The following AKNA variants were observed in gnomAD, a reference collection of about 807,000 sequenced individuals.
AKNA encodes AT-hook transcription factor.
A neutral mutation model predicts 138.8 loss-of-function variants in AKNA; 67 were observed. The observed-to-expected ratio is 0.48, with a 90% CI of 0.40 to 0.59. The LOEUF is 0.59. AKNA is among the 20% of genes least tolerant of loss of function. The pLI, the probability that AKNA is intolerant of heterozygous loss-of-function variation, is 0.00. For missense variants in AKNA, 1,813 were observed against 1,880.4 expected, an observed-to-expected ratio of 0.96 and a Z score of 0.66; for synonymous variants, 737 against 754.4, an observed-to-expected ratio of 0.98 and a Z score of 0.38.
At chr9:114,396,544 T>G (rs1297388998), upstream of AKNA, among the ~76,000 whole-genome samples, 1 of 151,956 alleles carries the variant, frequency 6.6e-6, no homozygotes, top group Non-Finnish European at 1.5e-5. Flanking sequence ...CCAGGTGTAG[T>G]GGCACACGCC....
upstream of AKNA, among the ~76,000 whole-genome samples, chr9:114,388,461 G>A (rs559907638): frequency 3.3e-5 from 5 of 152,322 alleles, no homozygotes; most frequent in East Asian, 9.7e-4. Context: ...CTCTGCCAAT[G>A]TGCAACCTGA....
chr9:114,391,139 A>G (rs1768904068), upstream of AKNA, among the ~76,000 whole-genome samples: 1 of 151,416 alleles, frequency 6.6e-6, no homozygotes, highest in Admixed American at 6.6e-5. Context: ...GGGTAAACAG[A>G]GGCCCCTAGA....
intron 1 of AKNA, chr9:114,383,189 G>A (rs1441447575): frequency 2.2e-6 from 1 of 456,052 alleles, no homozygotes; most frequent in Non-Finnish European, 4.4e-6. Context: ...CAGGGAGGCT[G>A]GCCACACGGG....
chr9:114,374,304 G>A (rs1454867835), intron 3 of AKNA, 137 bp from the exon 4 acceptor site: 19 of 832,656 alleles, frequency 2.3e-5, no homozygotes, highest in Admixed American at 6.2e-5. Context: ...GGTGGGATCC[G>A]AGCTGAGCAA....
chr9:114,364,281 G>GT (rs1832178375), intron 7 of AKNA, among the ~76,000 whole-genome samples: 1 of 151,988 alleles, frequency 6.6e-6, no homozygotes, highest in African/African-American at 2.4e-5. Flanking sequence ...GGTGATAAAT[G>GT]TAACTGCTTC....
intron 2 of AKNA, among the ~76,000 whole-genome samples, chr9:114,379,164 G>T (rs1303102919): frequency 1.3e-5 from 2 of 152,250 alleles, no homozygotes; most frequent in East Asian, 3.9e-4. Context: ...GGGTGAAGGG[G>T]CCTGGGCTTT....
At chr9:114,397,811 A>G (rs1589051755), upstream of AKNA, among the ~76,000 whole-genome samples, 3 of 152,096 alleles carry the variant, frequency 2.0e-5, no homozygotes, top group East Asian at 5.8e-4. Context: ...AGTTCCTACC[A>G]TTGTCAGGGC....
At chr9:114,349,013 T>C in intron 15 of AKNA, 1 of 454,998 alleles carries the variant, frequency 2.2e-6, no homozygotes, top group African/African-American at 2.0e-5. Context: ...TGAGTGTGTG[T>C]GTCTGAGGGC....
At position 114,359,754 on chromosome 9, in the gene AKNA, C is replaced by T; in HGVS notation, c.2332G>A (p.Glu778Lys). Residue 778 changes from glutamate (E) to lysine (K), a missense_variant, in exon 11 of 22, where the codon GAG becomes AAG. By Grantham distance (56) the Glu-to-Lys change is moderately conservative. Coordinates refer to ENST00000374088, the MANE Select transcript of AKNA (RefSeq NM_001317950.2). ...VKSLPEAMRMEEEEEGEEEEE... is the reference protein window; with the variant it reads ...VKSLPEAMRMKEEEEGEEEEE... ...TCCTCCTCTCCTTCTTCCTCCTCCT[C>T]CATTCTCATGGCTTCTGGGAGAGAC... The T allele has an allele frequency of 6.2e-7, 1 of 1,602,418 alleles. No individual in the cohort carries two copies. The highest frequency in any genetic ancestry group is 8.5e-7 in the Non-Finnish European group (1 of 1,173,860).
At chr9:114,354,163 C>A (rs1831320454) in intron 14 of AKNA, among the ~76,000 whole-genome samples, 1 of 151,986 alleles carries the variant, frequency 6.6e-6, no homozygotes, top group Admixed American at 6.6e-5. Flanking sequence ...TTCTTGATAT[C>A]CTTATAAGCT....
chr9:114,346,441 A>C (rs1409442953), intron 17 of AKNA, among the ~76,000 whole-genome samples: 5 of 152,218 alleles, frequency 3.3e-5, no homozygotes. Context: ...CTTGCAGTGG[A>C]GGTTAAGCAA....
intron 2 of AKNA, among the ~76,000 whole-genome samples, chr9:114,379,275 G>A (rs953423685): frequency 2.0e-5 from 3 of 152,260 alleles, no homozygotes; most frequent in Admixed American, 6.5e-5. Flanking sequence ...CAAACTTGAG[G>A]ATAGTTCCTC....
rs1457932592 is a variant in AKNA, at chr9:114,356,855, C to T, written c.2846+8G>A. 11 of 1,536,176 alleles carry T rather than the reference C, an allele frequency of 7.2e-6. No individual in the cohort carries two copies. The highest frequency in any genetic ancestry group is 1.8e-4 in the Middle Eastern group (1 of 5,680). ...CACTGACGGGACAATGGCGGGATCCCGGGATACCTGATGTGGGAGAGCCGG... is the reference window on the plus strand; with the variant it reads ...CACTGACGGGACAATGGCGGGATCCTGGGATACCTGATGTGGGAGAGCCGG... On this transcript the variant is annotated splice_region_variant and intron_variant, in intron 13 of 21. Coordinates refer to ENST00000374088, the MANE Select transcript of AKNA (RefSeq NM_001317950.2).
intron 15 of AKNA, among the ~76,000 whole-genome samples, chr9:114,349,318 T>C (rs1405055111): frequency 6.6e-6 from 1 of 152,178 alleles, no homozygotes; most frequent in Admixed American, 6.5e-5. Context: ...TACTTCCCTG[T>C]CTCTGCACAT....
chr9:114,375,173 G>A (rs1833078079), intron 3 of AKNA, among the ~76,000 whole-genome samples: 1 of 152,140 alleles, frequency 6.6e-6, no homozygotes, highest in Non-Finnish European at 1.5e-5. Flanking sequence ...AAAGCCTCTA[G>A]CTCAAAACCT....
At chr9:114,331,319 C>A (rs114006158), downstream of AKNA, among the ~76,000 whole-genome samples, 597 of 152,204 alleles carry the variant, frequency 3.9e-3, 14 homozygotes, top group African/African-American at 0.013. Context: ...CATTTTCCTC[C>A]TCTGTAAAAC....
At chr9:114,342,877 T>C (rs1830452498) in intron 19 of AKNA, among the ~76,000 whole-genome samples, 1 of 151,974 alleles carries the variant, frequency 6.6e-6, no homozygotes, top group Non-Finnish European at 1.5e-5. Flanking sequence ...AATGAATGAA[T>C]GAATGAATGC....
intron 12 of AKNA, among the ~76,000 whole-genome samples, chr9:114,357,520 T>A (rs1300352973): frequency 1.4e-5 from 2 of 142,480 alleles, no homozygotes; most frequent in African/African-American, 6.2e-5. Context: ...CAGAAGTGTG[T>A]GTGTGTGTGT....
In AKNA at chr9:114,377,043, G is replaced by C; in HGVS notation, c.764C>G (p.Ala255Gly). The change falls in exon 3 of 22, where the codon GCT becomes GGT. Residue 255 changes from alanine (A) to glycine (G), a missense_variant. By Grantham distance (60) the Ala-to-Gly change is moderately conservative. Transcript: ENST00000374088. ...SPDGRTGGSV[A>G]RATPMEFQDS... is the part of the protein sequence containing the mutation. ...CTGGAATTCCATGGGGGTTGCCCGA[G>C]CAACACTGCCTCCAGTTCTGCCATC... 6.2e-7 allele frequency: 1 copy of C among 1,614,148 alleles called. No homozygotes were observed. The highest frequency in any genetic ancestry group is 8.5e-7 in the Non-Finnish European group (1 of 1,180,024).
Sources: allele counts gnomAD v4.1 joint callset (sites outside exome capture counted in the v4.1 genomes callset), GRCh38; gene constraint gnomAD v4.1.1; transcripts MANE v1.5; gene names NCBI Gene and HGNC (gene_info 2026-07-23, HGNC 2026-07-21).